Variants in BRF1 observed in about 807,000 individuals in gnomAD.
BRF1 encodes transcription factor IIIB 90 kDa subunit.
In BRF1, 59 loss-of-function variants were observed where a neutral mutation model predicts 81.7. The ratio of observed to expected loss-of-function variants is 0.72; its 90% CI spans 0.59 to 0.90. The LOEUF (loss-of-function observed/expected upper bound fraction) is 0.90. BRF1 is among the 40% of genes least tolerant of loss of function. The pLI is 0.00. For synonymous variants in BRF1, 491 were observed against 395.6 expected (o/e 1.24, Z -2.86); for missense variants, 1,050 against 936.3 (o/e 1.12, Z -1.58).
chr14:105,280,475 C>T (rs191433369), intron 2 of BRF1, among the ~76,000 whole-genome samples: 2 of 152,374 alleles, frequency 1.3e-5, no homozygotes, highest in East Asian at 3.8e-4. Flanking sequence ...TCATCTAAAC[C>T]CATAGAACAC....
chr14:105,304,718 C>T (rs185722920), upstream of BRF1, among the ~76,000 whole-genome samples: 129 of 152,288 alleles, frequency 8.5e-4, no homozygotes, highest in African/African-American at 2.4e-3. Flanking sequence ...TGTAGTTCCA[C>T]GTGGCTGCAG....
chr14:105,223,580 G>A (rs1159646586), intron 10 of BRF1, among the ~76,000 whole-genome samples: 1 of 152,196 alleles, frequency 6.6e-6, no homozygotes, highest in East Asian at 1.9e-4. Context: ...TACTCCTACG[G>A]AATTCTACAG....
chr14:105,248,612 C>G (rs892436831), intron 5 of BRF1: 7 of 975,024 alleles, frequency 7.2e-6, no homozygotes, highest in Non-Finnish European at 8.5e-6. Flanking sequence ...GCGGCCGGGC[C>G]TGGCCGGGCT....
chr14:105,265,997 G>A (rs1026491783), intron 3 of BRF1, among the ~76,000 whole-genome samples: 1 of 151,320 alleles, frequency 6.6e-6, no homozygotes, highest in African/African-American at 2.4e-5. Flanking sequence ...CTTGAACCCA[G>A]AGGGCAGAGG....
chr14:105,256,722 G>A (rs1047360488), intron 3 of BRF1, among the ~76,000 whole-genome samples, 173 bp from the exon 4 acceptor site: 2 of 152,198 alleles, frequency 1.3e-5, no homozygotes, highest in Non-Finnish European at 2.9e-5. Context: ...GGCGCGGCAC[G>A]CTCAGGCCTC....
intron 5 of BRF1, chr14:105,248,996 G>A (rs1311322822): frequency 3.0e-6 from 3 of 1,008,394 alleles, no homozygotes; most frequent in Middle Eastern, 9.7e-4. Context: ...CGCCAGCGCC[G>A]CCGCCGCCCG....
chr14:105,245,926 G>A (rs963400916), intron 5 of BRF1, among the ~76,000 whole-genome samples: 3 of 152,126 alleles, frequency 2.0e-5, no homozygotes, highest in Non-Finnish European at 4.4e-5. Flanking sequence ...CAAATGGGAT[G>A]ACCTCAAACT....
chr14:105,307,785 A>T (rs1395060543), intron 1 of BRF1, among the ~76,000 whole-genome samples: 1 of 152,222 alleles, frequency 6.6e-6, no homozygotes, highest in African/African-American at 2.4e-5. Context: ...GATGGAGGAC[A>T]TGTGTCTGGT....
intron 3 of BRF1, among the ~76,000 whole-genome samples, chr14:105,266,493 C>G (rs2056424335): frequency 6.6e-6 from 1 of 152,038 alleles, no homozygotes; most frequent in Non-Finnish European, 1.5e-5. Flanking sequence ...AAAAATCATA[C>G]CAATAAATAC....
chr14:105,258,483 C>G (rs868011544), intron 3 of BRF1, among the ~76,000 whole-genome samples: 2 of 117,648 alleles, frequency 1.7e-5, no homozygotes, highest in Non-Finnish European at 3.5e-5. Context: ...AGCGAGACTC[C>G]GTCTCAAAAA....
chr14:105,288,513 G>A (rs1218702820), intron 1 of BRF1, among the ~76,000 whole-genome samples: 2 of 151,930 alleles, frequency 1.3e-5, no homozygotes, highest in Admixed American at 6.6e-5. Context: ...GTGGTGGCCG[G>A]GCATGGTGGC....
At chr14:105,314,262 G>C (rs2058447462) in intron 1 of BRF1, among the ~76,000 whole-genome samples, 1 of 152,078 alleles carries the variant, frequency 6.6e-6, no homozygotes, top group African/African-American at 2.4e-5. Context: ...GAGACAAGGG[G>C]CGGCGAGGGC....
chr14:105,270,174 CTTTTT>C (rs56662868), intron 3 of BRF1, among the ~76,000 whole-genome samples: 20 of 115,316 alleles, frequency 1.7e-4, no homozygotes, highest in Admixed American at 1.1e-3. Context: ...GTTGAAAGGA[CTTTTT>C]TTTTTTTTTT....
intron 7 of BRF1, 143 bp from the exon 8 acceptor site, chr14:105,226,903 C>G: frequency 8.7e-7 from 1 of 1,148,220 alleles, no homozygotes; most frequent in East Asian, 2.6e-5. Flanking sequence ...GAGTCCAAGA[C>G]TTTGAGACCA....
chr14:105,314,910 G>C (rs2058498368), intron 1 of BRF1: 1 of 1,006,594 alleles, frequency 9.9e-7, no homozygotes, highest in African/African-American at 1.8e-5. Flanking sequence ...GAGCGGCGGG[G>C]CCGGCGCCAT....
chr14:105,220,599 G>A (rs1291931005), intron 11 of BRF1, among the ~76,000 whole-genome samples: 4 of 152,146 alleles, frequency 2.6e-5, no homozygotes, highest in African/African-American at 4.8e-5. Flanking sequence ...AGGCCTGAGG[G>A]AGCCCTCCAT....
intron 1 of BRF1, among the ~76,000 whole-genome samples, chr14:105,297,338 G>A (rs1049248860): frequency 2.0e-5 from 3 of 152,004 alleles, no homozygotes; most frequent in African/African-American, 7.2e-5. Flanking sequence ...GGAGGCCGAA[G>A]AGGGCGGATC....
At chr14:105,275,677 C>T (rs587646568) in intron 2 of BRF1, among the ~76,000 whole-genome samples, 176 of 152,362 alleles carry the variant, frequency 1.2e-3, no homozygotes, top group African/African-American at 3.9e-3. Context: ...TCCCAAGCCC[C>T]GACCCCACAG....
chr14:105,226,670 C>T lies in BRF1; in HGVS notation c.879G>A (p.Ser293=), dbSNP rs765277183. 2.4e-5 allele frequency: 39 copies of T among 1,613,300 alleles called. No homozygotes were observed. Among genetic ancestry groups the T allele is most frequent in the East Asian group, 4.5e-5 (2 of 44,886 alleles). ...GCAGCTTCCTCTGCCCAGCTGTGTA[C>T]GAGGGGGGGTCGCACTCCTCCTCCA... ...IDLEEECDPP[S]YTAGQRKLRM... The change falls in exon 8 of 18, where the codon TCG becomes TCA. Residue 293 remains serine, a synonymous_variant. Coordinates refer to ENST00000547530, the MANE Select transcript of BRF1 (RefSeq NM_001519.4).
Sources: allele counts gnomAD v4.1 joint callset (sites outside exome capture counted in the v4.1 genomes callset), GRCh38; gene constraint gnomAD v4.1.1; transcripts MANE v1.5; gene names NCBI Gene and HGNC (gene_info 2026-07-23, HGNC 2026-07-21).